ADCY8: variants seen among roughly 807,000 people sequenced by gnomAD.
ADCY8 encodes the protein adenylate cyclase type 8.
In ADCY8, 51 loss-of-function variants were observed where a neutral mutation model predicts 119.7. The ratio of observed to expected loss-of-function variants is 0.43; its 90% CI spans 0.34 to 0.54. ADCY8 has a LOEUF of 0.54. Ranked by LOEUF, ADCY8 falls within the 20% of genes least tolerant of loss-of-function variation. ADCY8 has a pLI of 0.03. For synonymous variants in ADCY8, 665 were observed against 651.0 expected (o/e 1.02, Z -0.33); for missense variants, 1,383 against 1,598.8 (o/e 0.87, Z 2.30).
intron 9 of ADCY8, among the ~76,000 whole-genome samples, chr8:130,856,060 C>T (rs1817720830): frequency 6.6e-6 from 1 of 152,100 alleles, no homozygotes; most frequent in Admixed American, 6.5e-5. Context: ...TCCAGCCCTT[C>T]CTCCCCTTAA....
rs186665078 is a variant in ADCY8 at position 130,813,243 on chromosome 8, G to T, written c.2913+826C>A. The stretch of plus-strand genomic sequence containing the variant: ...ATTATAGGCGTGAGCCACTGCGCCC[G>T]GCCATCTTGACCATTTTTAAGTGTA... On this transcript the variant is annotated intron_variant, in intron 14 of 17. Coordinates refer to ENST00000286355, the MANE Select transcript of ADCY8 (RefSeq NM_001115.3). Among the ~76,000 whole-genome samples, 420 of 152,232 alleles carry T rather than the reference G, an allele frequency of 2.8e-3. 7 individuals are homozygous for T. The highest frequency in any genetic ancestry group is 0.025 in the Admixed American group (382 of 15,298).
At chr8:130,826,658 C>T (rs1447513624) in intron 12 of ADCY8, among the ~76,000 whole-genome samples, 1 of 152,040 alleles carries the variant, frequency 6.6e-6, no homozygotes, top group Non-Finnish European at 1.5e-5. Flanking sequence ...ATTTTGGTAA[C>T]CATGGCTTAT....
At position 130,785,368 on chromosome 8, in the gene ADCY8, C is replaced by T. The variant is rs773340961; in HGVS notation, c.3153+15G>A. Reference sequence around the variant, plus strand: ...CCCCACCATGCATTGTGGCTGAGTCCAAAGAGTCCTTTACCTGTTTTTCAG... The same window carrying T: ...CCCCACCATGCATTGTGGCTGAGTCTAAAGAGTCCTTTACCTGTTTTTCAG... On this transcript the variant is annotated intron_variant, in intron 16 of 17. Coordinates refer to ENST00000286355, the MANE Select transcript of ADCY8 (RefSeq NM_001115.3). The T allele has an allele frequency of 2.5e-5, 39 of 1,590,030 alleles. 1 individual carries two copies. The highest frequency in any genetic ancestry group is 1.3e-4 in the South Asian group (11 of 87,440).
chr8:130,842,948 C>T (rs72712467), intron 11 of ADCY8, among the ~76,000 whole-genome samples: 1 of 150,540 alleles, frequency 6.6e-6, no homozygotes, highest in Middle Eastern at 3.4e-3. Context: ...GATTTTTTTC[C>T]CTCATTATCA....
chr8:130,820,697 C>T (rs1473162922), intron 13 of ADCY8, among the ~76,000 whole-genome samples: 1 of 152,208 alleles, frequency 6.6e-6, no homozygotes, highest in Non-Finnish European at 1.5e-5. Flanking sequence ...GTTCTGCCCA[C>T]AGTGCCCACT....
chr8:131,005,834 GTC>G (rs1201518925), intron 1 of ADCY8, among the ~76,000 whole-genome samples: 1 of 152,166 alleles, frequency 6.6e-6, no homozygotes, highest in Non-Finnish European at 1.5e-5. Flanking sequence ...TCTGCAGCTA[GTC>G]CATGGGTGCT....
chr8:130,784,034 T>C (rs958098871), intron 16 of ADCY8, among the ~76,000 whole-genome samples: 4 of 151,484 alleles, frequency 2.6e-5, no homozygotes, highest in Non-Finnish European at 4.4e-5. Context: ...GTATTCCTTC[T>C]TCCACATCTA....
At chr8:130,885,663 C>A (rs1221027453) in intron 7 of ADCY8, among the ~76,000 whole-genome samples, 5 of 149,032 alleles carry the variant, frequency 3.4e-5, no homozygotes, top group Non-Finnish European at 6.0e-5. Flanking sequence ...GACCAAAAAA[C>A]AAAAAAAAAA....
chr8:130,796,481 A>G (rs532236540), intron 15 of ADCY8, among the ~76,000 whole-genome samples: 1 of 152,300 alleles, frequency 6.6e-6, no homozygotes, highest in East Asian at 1.9e-4. Flanking sequence ...AGAATTTTGC[A>G]TGATCTCAGG....
intron 7 of ADCY8, among the ~76,000 whole-genome samples, chr8:130,898,905 T>C (rs2130510743): frequency 6.6e-6 from 1 of 152,302 alleles, no homozygotes; most frequent in Middle Eastern, 3.4e-3. Flanking sequence ...AAGTGATCCC[T>C]TAAAAATCTA....
At chr8:130,921,334 T>C (rs887649463) in intron 5 of ADCY8, among the ~76,000 whole-genome samples, 2 of 152,156 alleles carry the variant, frequency 1.3e-5, no homozygotes, top group Non-Finnish European at 2.9e-5. Flanking sequence ...TATGTGTGCA[T>C]GTGTGTATGT....
chr8:130,920,144 T>TA (rs71304399), intron 5 of ADCY8, among the ~76,000 whole-genome samples: 38,380 of 99,688 alleles, frequency 0.39, 7,660 homozygotes, highest in East Asian at 0.6. Flanking sequence ...CTCCGTTTCT[T>TA]AAAAAAAAAA....
At chr8:130,960,216 A>T (rs1480243629) in intron 2 of ADCY8, among the ~76,000 whole-genome samples, 32 of 152,110 alleles carry the variant, frequency 2.1e-4, no homozygotes, top group Non-Finnish European at 8.8e-5. Flanking sequence ...GGGTTTCTGG[A>T]CTTGTAAAGG....
chr8:130,979,637 T>A (rs1428261462), intron 2 of ADCY8, among the ~76,000 whole-genome samples: 1 of 152,222 alleles, frequency 6.6e-6, no homozygotes, highest in Non-Finnish European at 1.5e-5. Context: ...TGTTTAGGTC[T>A]GAGTACCAGG....
chr8:130,997,025 G>A (rs1822799449), intron 1 of ADCY8, among the ~76,000 whole-genome samples: 1 of 151,994 alleles, frequency 6.6e-6, no homozygotes. Flanking sequence ...ATTTATAAAT[G>A]GAAACTGCAT....
intron 12 of ADCY8, among the ~76,000 whole-genome samples, chr8:130,828,433 T>A (rs1211588382): frequency 6.6e-6 from 1 of 151,762 alleles, no homozygotes; most frequent in Non-Finnish European, 1.5e-5. Context: ...CACATGGCAT[T>A]TCCAGGTCTC....
At chr8:130,990,336 T>G in intron 2 of ADCY8, 57 bp downstream of exon 2, 1 of 1,587,372 alleles carries the variant, frequency 6.3e-7, no homozygotes. Context: ...AGTAGCTCCA[T>G]ATAATTTAGA....
rs114657486 is a variant in ADCY8, at chr8:130,966,651, G to A, written c.1111-14653C>T. On this transcript the variant is annotated intron_variant, in intron 2 of 17. Transcript: ENST00000286355. ...GACAGCAAGCGGCAGCATAGTAGAGGAATAATGCACATGATCCTGAAGCTA... is the reference window on the plus strand; with the variant it reads ...GACAGCAAGCGGCAGCATAGTAGAGAAATAATGCACATGATCCTGAAGCTA... Among the ~76,000 whole-genome samples, 409 of 152,282 alleles carry A rather than the reference G, an allele frequency of 2.7e-3. 1 individual carries two copies. Among genetic ancestry groups the A allele is most frequent in the African/African-American group, 9.4e-3 (392 of 41,538 alleles).
intron 5 of ADCY8, among the ~76,000 whole-genome samples, chr8:130,925,443 T>C (rs946034290): frequency 6.6e-6 from 1 of 152,130 alleles, no homozygotes; most frequent in Non-Finnish European, 1.5e-5. Context: ...GATCTTATTA[T>C]CCTCATTTTG....
Sources: allele counts gnomAD v4.1 joint callset (sites outside exome capture counted in the v4.1 genomes callset), GRCh38; gene constraint gnomAD v4.1.1; transcripts MANE v1.5; gene names NCBI Gene and HGNC (gene_info 2026-07-23, HGNC 2026-07-21).